The following PLEKHH2 variants were observed in gnomAD, a reference collection of about 807,000 sequenced individuals.
PLEKHH2 encodes pleckstrin homology domain-containing family H member 2.
A neutral mutation model predicts 187.9 loss-of-function variants in PLEKHH2; 129 were observed. The observed-to-expected ratio is 0.69, with a 90% CI of 0.59 to 0.79. The LOEUF (loss-of-function observed/expected upper bound fraction) is 0.79, where lower values mean the gene tolerates loss of function less well. Ranked by LOEUF, PLEKHH2 falls within the 30% of genes least tolerant of loss-of-function variation. The pLI is 0.00. For synonymous variants in PLEKHH2, 686 were observed against 605.6 expected (o/e 1.13, Z -1.95); for missense variants, 2,076 against 1,751.2 (o/e 1.19, Z -3.31).
At chr2:43,643,548 T>C (rs1001722704) in intron 1 of PLEKHH2, among the ~76,000 whole-genome samples, 7 of 152,028 alleles carry the variant, frequency 4.6e-5, no homozygotes, top group African/African-American at 1.7e-4. Flanking sequence ...TTAGGGAGGA[T>C]TCTATATTAC....
At chr2:43,716,177 T>G (rs949712063) in intron 15 of PLEKHH2, among the ~76,000 whole-genome samples, 1 of 151,908 alleles carries the variant, frequency 6.6e-6, no homozygotes, top group African/African-American at 2.4e-5. Flanking sequence ...GGAAAAGATG[T>G]ACCTTGAGTT....
intron 3 of PLEKHH2, chr2:43,681,338 T>C (rs79710370): frequency 0.028 from 30,998 of 1,113,202 alleles, 525 homozygotes; most frequent in South Asian, 0.057. Context: ...CTCAGCTCCA[T>C]TGGGGTCACC....
intron 26 of PLEKHH2, 57 bp downstream of exon 26, chr2:43,757,321 A>G: frequency 1.5e-6 from 2 of 1,293,314 alleles, no homozygotes; most frequent in Non-Finnish European, 2.0e-6. Context: ...TTTTGGTAAT[A>G]TTTTTGTGTT....
chr2:43,686,066 T>A (rs1299923030), intron 3 of PLEKHH2, among the ~76,000 whole-genome samples: 16 of 152,234 alleles, frequency 1.1e-4, no homozygotes, highest in Admixed American at 9.8e-4. Flanking sequence ...CTGACCATTC[T>A]AACACATGAG....
intron 8 of PLEKHH2, 132 bp from the exon 9 acceptor site, chr2:43,703,849 T>C (rs1669509814): frequency 5.1e-6 from 3 of 589,612 alleles, no homozygotes; most frequent in East Asian, 5.7e-5. Flanking sequence ...GATGGTTTTA[T>C]AATAATGCTG....
At position 43,743,733 on chromosome 2, in the gene PLEKHH2, A is replaced by G. The variant is rs937056614; in HGVS notation, c.3400-101A>G. ...GTTGAAGCACCTAGAAAAATATGTTATCATTAATCATGCATCAAGTATGCT... is the reference window on the plus strand; with the variant it reads ...GTTGAAGCACCTAGAAAAATATGTTGTCATTAATCATGCATCAAGTATGCT... On this transcript the variant is annotated intron_variant, in intron 22 of 29. Coordinates refer to ENST00000282406, the MANE Select transcript of PLEKHH2 (RefSeq NM_172069.4). 6 of 1,084,632 alleles carry G rather than the reference A, an allele frequency of 5.5e-6. No homozygotes were observed. The African/African-American group carries it at 8.0e-5, about 15-fold the overall frequency. 67.2% of individuals were successfully genotyped at this position (1,084,632 alleles called of 1,614,324 possible). A position where few individuals can be genotyped will look rare whatever the true frequency, so the allele number is the denominator to read the frequency against.
At chr2:43,706,516 C>A in intron 10 of PLEKHH2, 100 bp downstream of exon 10, 1 of 831,156 alleles carries the variant, frequency 1.2e-6, no homozygotes, top group Non-Finnish European at 1.9e-6. Context: ...ACATTTTACA[C>A]AGGCTCTCCC....
chr2:43,711,037 G>A, intron 14 of PLEKHH2: 1 of 990,566 alleles, frequency 1.0e-6, no homozygotes, highest in Non-Finnish European at 1.2e-6. Context: ...TGAGCAGAGG[G>A]AGTGTGCTGC....
intron 3 of PLEKHH2, among the ~76,000 whole-genome samples, chr2:43,686,321 C>T (rs766814196): frequency 4.6e-5 from 7 of 152,210 alleles, no homozygotes; most frequent in Admixed American, 1.3e-4. Context: ...CTCCACCTCC[C>T]GAGTAGCTGG....
intron 19 of PLEKHH2, among the ~76,000 whole-genome samples, chr2:43,735,508 A>G (rs531778395): frequency 2.0e-5 from 3 of 152,310 alleles, no homozygotes; most frequent in East Asian, 1.9e-4. Flanking sequence ...CTAGTGTTCA[A>G]CAGCACAGTA....
intron 2 of PLEKHH2, among the ~76,000 whole-genome samples, chr2:43,677,385 G>A (rs907099394): frequency 1.2e-4 from 19 of 152,036 alleles, no homozygotes; most frequent in African/African-American, 3.6e-4. Context: ...TTGAGATTAC[G>A]GAGTGGTGAT....
intron 26 of PLEKHH2, among the ~76,000 whole-genome samples, chr2:43,757,711 C>T (rs1672272177): frequency 6.6e-6 from 1 of 151,976 alleles, no homozygotes; most frequent in Non-Finnish European, 1.5e-5. Context: ...AGCCACTGTG[C>T]CCAGCCAATA....
At chr2:43,667,535 AG>A (rs1349450274) in intron 2 of PLEKHH2, among the ~76,000 whole-genome samples, 2 of 152,248 alleles carry the variant, frequency 1.3e-5, no homozygotes. Flanking sequence ...ACAACGCAAA[AG>A]CTCATCAACT....
At chr2:43,730,914 C>T (rs956468808) in intron 18 of PLEKHH2, among the ~76,000 whole-genome samples, 1 of 152,212 alleles carries the variant, frequency 6.6e-6, no homozygotes, top group Non-Finnish European at 1.5e-5. Flanking sequence ...TTCCCCAGCT[C>T]TTTCTCATAT....
chr2:43,727,132 G>T (rs1351710382), intron 17 of PLEKHH2, among the ~76,000 whole-genome samples: 2 of 152,164 alleles, frequency 1.3e-5, no homozygotes, highest in Non-Finnish European at 2.9e-5. Flanking sequence ...CAAAAGGGCG[G>T]GCTGGGTGCG....
chr2:43,754,205 C>CACACAA (rs1553353833), intron 25 of PLEKHH2, among the ~76,000 whole-genome samples: 1 of 143,078 alleles, frequency 7.0e-6, no homozygotes, highest in African/African-American at 2.7e-5. Flanking sequence ...CACACACACA[C>CACACAA]AAAATTAATA....
intron 19 of PLEKHH2, among the ~76,000 whole-genome samples, chr2:43,737,391 A>G (rs750382656): frequency 1.3e-5 from 2 of 152,180 alleles, no homozygotes; most frequent in Non-Finnish European, 2.9e-5. Flanking sequence ...AGATAAGGAC[A>G]TTTCTGTGTA....
intron 15 of PLEKHH2, among the ~76,000 whole-genome samples, chr2:43,713,701 TA>T (rs1670079591): frequency 1.3e-5 from 2 of 151,652 alleles, no homozygotes; most frequent in Admixed American, 1.3e-4. Flanking sequence ...GACTTAATAT[TA>T]TTTTTAAGTT....
chr2:43,759,018 T>C lies in PLEKHH2; in HGVS notation c.4060T>C (p.Phe1354Leu). ...GTGGCCATTCTTTGGTGCCAAGTTG[T>C]TTCTTGCAAAAGTAAGAAAGAATGG... ...RKWPFFGAKL[F>L]LAKPITPSSL... is the part of the protein sequence containing the mutation. The change falls in exon 27 of 30, where the codon TTT becomes CTT. Residue 1354 changes from phenylalanine (F) to leucine (L), a missense_variant. Phe to Leu is a conservative substitution (Grantham distance 22). Coordinates refer to ENST00000282406, the MANE Select transcript of PLEKHH2 (RefSeq NM_172069.4). The C allele has an allele frequency of 6.2e-7, 1 of 1,612,218 alleles. No homozygotes were observed. Among genetic ancestry groups the C allele is most frequent in the Non-Finnish European group, 8.5e-7 (1 of 1,178,620 alleles).
Sources: allele counts gnomAD v4.1 joint callset (sites outside exome capture counted in the v4.1 genomes callset), GRCh38; gene constraint gnomAD v4.1.1; transcripts MANE v1.5; gene names NCBI Gene and HGNC (gene_info 2026-07-23, HGNC 2026-07-21).